The following NPRL3 variants were observed in gnomAD, a reference collection of about 807,000 sequenced individuals.
The protein encoded by NPRL3 is GATOR1 complex protein NPRL3.
NPRL3 carries 23 observed loss-of-function variants against 57.2 expected under a neutral mutation model. That is an observed-to-expected ratio of 0.40 (90% CI 0.29 to 0.57). The LOEUF (loss-of-function observed/expected upper bound fraction) is 0.57, where lower values mean the gene tolerates loss of function less well. Ranked by LOEUF, NPRL3 falls within the 20% of genes least tolerant of loss-of-function variation. The pLI is 0.42. For synonymous variants in NPRL3, 333 were observed against 321.1 expected (o/e 1.04, Z -0.39); for missense variants, 691 against 767.1 (o/e 0.90, Z 1.17).
intron 7 of NPRL3, 142 bp from the exon 8 acceptor site, chr16:100,651 T>C (rs1428480264): frequency 2.6e-6 from 2 of 774,508 alleles, no homozygotes; most frequent in African/African-American, 1.8e-5. Flanking sequence ...AGAGCATCTC[T>C]TAAGATCACA....
chr16:126,116 C>G (rs531867371), intron 3 of NPRL3: 1 of 152,180 alleles, frequency 6.6e-6, no homozygotes, highest in African/African-American at 2.4e-5. Flanking sequence ...GGGGCTCATG[C>G]GTGTAATCCC....
At chr16:135,392 C>T (rs920405985) in intron 2 of NPRL3, among the ~76,000 whole-genome samples, 1 of 152,068 alleles carries the variant, frequency 6.6e-6, no homozygotes, top group African/African-American at 2.4e-5. Context: ...AGGCAGATCA[C>T]GAGGTCAGGA....
chr16:135,968 GCTTT>G (rs72088012), intron 2 of NPRL3, among the ~76,000 whole-genome samples: 8,266 of 152,228 alleles, frequency 0.054, 352 homozygotes, highest in African/African-American at 0.12. Flanking sequence ...AGGAAAATAT[GCTTT>G]CTATCTCAAT....
chr16:126,095 A>G (rs1236942726), intron 3 of NPRL3: 1 of 152,248 alleles, frequency 6.6e-6, no homozygotes, highest in East Asian at 1.9e-4. Context: ...CAGAGCTGGT[A>G]GCTGGGTGAG....
At chr16:107,688 T>C (rs938069822) in intron 7 of NPRL3, among the ~76,000 whole-genome samples, 16 of 152,078 alleles carry the variant, frequency 1.1e-4, no homozygotes, top group African/African-American at 2.9e-4. Flanking sequence ...GGTCTCACCA[T>C]GTTGCTGGGG....
chr16:124,525 T>C lies in NPRL3; in HGVS notation c.189-5270A>G, dbSNP rs567142010. ...CTAAAACTAATCTTTGTGGTAAAAG[T>C]TTTCTCATCTGCATGACAAGAAATC... On this transcript the variant is annotated intron_variant, in intron 3 of 13. Transcript: ENST00000611875. Among the ~76,000 whole-genome samples, 30 of 152,150 alleles carry C rather than the reference T, an allele frequency of 2.0e-4. 1 individual carries two copies. Among genetic ancestry groups the C allele is most frequent in the African/African-American group, 4.1e-4 (17 of 41,518 alleles).
chr16:133,548 G>A (rs1900914800), intron 2 of NPRL3, among the ~76,000 whole-genome samples: 1 of 136,022 alleles, frequency 7.4e-6, no homozygotes, highest in Non-Finnish European at 1.6e-5. Flanking sequence ...TTGTTTGTTT[G>A]TTTTAAGAGT....
At chr16:101,534 A>G (rs146688834) in intron 7 of NPRL3, among the ~76,000 whole-genome samples, 1 of 152,324 alleles carries the variant, frequency 6.6e-6, no homozygotes, top group Non-Finnish European at 1.5e-5. Context: ...ACACCATCCC[A>G]GTTTCCTTAT....
chr16:127,919 G>T (rs554859600), intron 3 of NPRL3, among the ~76,000 whole-genome samples: 82 of 151,974 alleles, frequency 5.4e-4, no homozygotes, highest in African/African-American at 7.5e-4. Flanking sequence ...CCTCCCAAAG[G>T]GCTGGGATTA....
rs758718371 is a variant in NPRL3 at position 88,679 on chromosome 16, C to T, written c.1544+19G>A. On this transcript the variant is annotated intron_variant, in intron 13 of 13. Coordinates refer to ENST00000611875, the MANE Select transcript of NPRL3 (RefSeq NM_001077350.3). ...ACCCTGCAACTGGCCCCAGTCCCAA[C>T]GGGTCAACCTACACCCACCTGGCAA... 2.3e-5 allele frequency: 37 copies of T among 1,593,984 alleles called. No individual in the cohort carries two copies. The highest frequency in any genetic ancestry group is 3.3e-4 in the Middle Eastern group (2 of 6,002).
intron 5 of NPRL3, among the ~76,000 whole-genome samples, chr16:114,767 G>A (rs763725580): frequency 1.6e-4 from 24 of 152,092 alleles, no homozygotes; most frequent in African/African-American, 4.1e-4. Context: ...TATCATGGCC[G>A]AAAATTAAGT....
At chr16:89,631 C>T in intron 12 of NPRL3, 82 bp downstream of exon 12, 6 of 1,317,380 alleles carry the variant, frequency 4.6e-6, no homozygotes, top group Non-Finnish European at 6.0e-6. Context: ...TCATCACTCA[C>T]AGCACCACCC....
chr16:108,218 T>C (rs187437977), intron 7 of NPRL3, among the ~76,000 whole-genome samples: 5 of 152,228 alleles, frequency 3.3e-5, no homozygotes, highest in South Asian at 2.1e-4. Context: ...TATCTCCCGA[T>C]AGAAGAATGA....
intron 7 of NPRL3, among the ~76,000 whole-genome samples, chr16:107,385 C>T (rs1010454698): frequency 2.0e-5 from 3 of 152,104 alleles, no homozygotes; most frequent in African/African-American, 7.2e-5. Flanking sequence ...GTGCTCACGC[C>T]TGTCATCCCA....
chr16:119,918 G>A lies in NPRL3; in HGVS notation c.189-663C>T, dbSNP rs1175259749. 3.9e-5 allele frequency among the ~76,000 whole-genome samples: 6 copies of A among 152,214 alleles called. 1 individual carries two copies. The South Asian group carries it at 1.2e-3, about 31-fold the overall frequency. ...AGAAATACCAGGTTGCACACAACTG[G>A]GTGCCACGGAGAAGTGGGTGCAGCT... is the stretch of plus-strand genomic sequence containing the variant. On this transcript the variant is annotated intron_variant, in intron 3 of 13. Transcript: ENST00000611875.
At chr16:121,545 G>C (rs1596530708) in intron 3 of NPRL3, among the ~76,000 whole-genome samples, 2 of 151,972 alleles carry the variant, frequency 1.3e-5, no homozygotes, top group East Asian at 3.9e-4. Flanking sequence ...GCTTGAACCT[G>C]GGCGGCAGAG....
At position 88,754 on chromosome 16, in the gene NPRL3, T is replaced by C. The variant is rs751820088; in HGVS notation, c.1488A>G (p.Ala496=). The C allele has an allele frequency of 6.2e-7, 1 of 1,613,586 alleles. No individual in the cohort carries two copies. Among genetic ancestry groups the C allele is most frequent in the Admixed American group, 1.7e-5 (1 of 59,960 alleles). ...GGGCTGCGGGTACACTGAGGATGGC[T>C]GCGCGTTCATGCTCCGACAGGCTGG... ...LLASLSEHER[A]AILSVPAAQN... is the part of the protein sequence containing the mutation. Residue 496 remains alanine (A), a synonymous_variant, in exon 13 of 14, where the codon GCA becomes GCG. Transcript: ENST00000611875.
chr16:127,685 C>T (rs1365925469), intron 3 of NPRL3, among the ~76,000 whole-genome samples: 3 of 148,254 alleles, frequency 2.0e-5, no homozygotes, highest in Non-Finnish European at 4.5e-5. Flanking sequence ...GACGGAGTCT[C>T]ACTCTGTTGC....
chr16:136,212 T>A (rs1394067403), intron 2 of NPRL3, among the ~76,000 whole-genome samples: 6 of 152,218 alleles, frequency 3.9e-5, no homozygotes. Context: ...TTTGCGTCCA[T>A]CAACCAAAAG....
Sources: allele counts gnomAD v4.1 joint callset (sites outside exome capture counted in the v4.1 genomes callset), GRCh38; gene constraint gnomAD v4.1.1; transcripts MANE v1.5; gene names NCBI Gene and HGNC (gene_info 2026-07-23, HGNC 2026-07-21).